The following SLC20A2 variants were observed in gnomAD, a reference collection of about 807,000 sequenced individuals.
SLC20A2 encodes the protein sodium-dependent phosphate transporter 2.
SLC20A2 carries 30 observed loss-of-function variants against 61.0 expected under a neutral mutation model. The ratio of observed to expected loss-of-function variants is 0.49; its 90% confidence interval spans 0.37 to 0.67. The LOEUF (loss-of-function observed/expected upper bound fraction) is 0.67. Ranked by LOEUF, SLC20A2 falls within the 30% of genes least tolerant of loss-of-function variation. SLC20A2 has a pLI of 0.00. For synonymous variants in SLC20A2, 351 were observed against 353.3 expected, an observed-to-expected ratio of 0.99 and a Z score of 0.07; for missense variants, 626 against 866.4, an observed-to-expected ratio of 0.72 and a Z score of 3.48.
At chr8:42,455,365 T>C (rs1033009714) in intron 5 of SLC20A2, among the ~76,000 whole-genome samples, 11 of 140,658 alleles carry the variant, frequency 7.8e-5, no homozygotes, top group African/African-American at 2.9e-4. Context: ...AGAGAAATAA[T>C]TTGTTAAGGT....
At chr8:42,452,358 A>C (rs1805797935) in intron 5 of SLC20A2, among the ~76,000 whole-genome samples, 1 of 137,226 alleles carries the variant, frequency 7.3e-6, no homozygotes, top group Non-Finnish European at 1.5e-5. Context: ...ATGGAGGAAG[A>C]GGAGGAAGAG....
rs140978915 is a variant in SLC20A2 at position 42,444,697 on chromosome 8, C to T, written c.679G>A (p.Ala227Thr). 3.5e-5 allele frequency: 56 copies of T among 1,613,740 alleles called. No homozygotes were observed. The highest frequency in any genetic ancestry group is 1.6e-4 in the Middle Eastern group (1 of 6,084). Residue 227 changes from alanine to threonine, a missense_variant, in exon 6 of 11, where the codon GCT (alanine) becomes ACT (threonine). By Grantham distance (58) the Ala-to-Thr change is moderately conservative. This residue lies in a region of SLC20A2 where 361 missense variants were observed against 422.3 expected (regional missense o/e 0.85). Coordinates refer to ENST00000520262, the MANE Select transcript of SLC20A2 (RefSeq NM_001257180.2). The stretch of plus-strand genomic sequence containing the variant: ...CACACGAAGAGCCACACAAAAAAAG[C>T]GAACAGGAGGGCGACACCAAAGGAA... Reference protein sequence around the residue: ...LISFGVALLFAFFVWLFVCPW... With the variant: ...LISFGVALLFTFFVWLFVCPW...
intron 1 of SLC20A2, among the ~76,000 whole-genome samples, chr8:42,533,049 A>G (rs1354795692): frequency 6.6e-6 from 1 of 152,244 alleles, no homozygotes; most frequent in Admixed American, 6.5e-5. Context: ...GAAGGAAGCT[A>G]AAAGAATGAT....
chr8:42,439,678 A>ACTCTCTTC, intron 6 of SLC20A2, 25 bp from the exon 7 acceptor site: 1 of 1,502,418 alleles, frequency 6.7e-7, no homozygotes, highest in Non-Finnish European at 9.3e-7. Context: ...GTCATACTGA[A>ACTCTCTTC]CATTCTGGAA....
rs369952980 is a variant in SLC20A2 at position 42,436,994 on chromosome 8, G to A, written c.1518C>T (p.Asp506=). 6.9e-6 allele frequency: 11 copies of A among 1,598,430 alleles called. No homozygotes were observed. Among genetic ancestry groups the A allele is most frequent in the Admixed American group, 3.4e-5 (2 of 59,060 alleles). ...CFGSFAHGGN[D]VSNAIGPLVA... is the part of the protein sequence containing the mutation. The stretch of plus-strand genomic sequence containing the variant: ...GAATGAATGAAAGCACCCACCTCAC[G>A]TCATTGCCGCCGTGAGCAAAGGACC... Residue 506 remains aspartate, a synonymous_variant, in exon 8 of 11, where the codon GAC becomes GAT. Transcript: ENST00000520262.
intron 1 of SLC20A2, among the ~76,000 whole-genome samples, chr8:42,499,569 TC>T (rs1370274468): frequency 6.6e-6 from 1 of 152,178 alleles, no homozygotes; most frequent in Non-Finnish European, 1.5e-5. Context: ...AATCAGCTTT[TC>T]TCTTTTGCAG....
chr8:42,487,264 G>A (rs1316991623), intron 1 of SLC20A2, among the ~76,000 whole-genome samples: 2 of 146,056 alleles, frequency 1.4e-5, no homozygotes, highest in Non-Finnish European at 3.0e-5. Context: ...TGCAAGCTCT[G>A]CCTCCCGGGT....
At chr8:42,456,861 G>A (rs1285435837) in intron 5 of SLC20A2, among the ~76,000 whole-genome samples, 1 of 152,094 alleles carries the variant, frequency 6.6e-6, no homozygotes, top group African/African-American at 2.4e-5. Context: ...CATGCTAGGT[G>A]GTGCGCTTAA....
chr8:42,505,842 G>C (rs1188105301), upstream of SLC20A2, among the ~76,000 whole-genome samples: 1 of 150,834 alleles, frequency 6.6e-6, no homozygotes, highest in Non-Finnish European at 1.5e-5. Flanking sequence ...AGTGAGCTGA[G>C]ATCACGCCAC....
chr8:42,515,205 A>C (rs1811258869), intron 1 of SLC20A2, among the ~76,000 whole-genome samples: 1 of 152,190 alleles, frequency 6.6e-6, no homozygotes, highest in Admixed American at 6.5e-5. Flanking sequence ...ATTGAATCCC[A>C]GACAGTTTTG....
chr8:42,451,537 AAG>A lies in SLC20A2; in HGVS notation c.614-6777_614-6776del, dbSNP rs374362306. On this transcript the variant is annotated intron_variant, in intron 5 of 10. Transcript: ENST00000520262. ...GAGGAGGAGGAGAAGGAAGAGATGA[AAG>A]AGGAGGAAAAGATGGAGGAGGAAGA... 1.2e-3 allele frequency among the ~76,000 whole-genome samples: 170 copies of A among 141,738 alleles called. 1 individual carries two copies. Among genetic ancestry groups the A allele is most frequent in the African/African-American group, 4.4e-3 (165 of 37,928 alleles). The allele number at this position is 141,738 out of a possible 152,430, so 93.0% of individuals were successfully genotyped here. A position where few individuals can be genotyped will look rare whatever the true frequency, so the allele number is the denominator to read the frequency against.
rs1455210640 is a variant in SLC20A2, at chr8:42,437,555, A to T, written c.957T>A (p.His319Gln). The T allele has an allele frequency of 6.2e-7, 1 of 1,612,638 alleles. No homozygotes were observed. Among genetic ancestry groups the T allele is most frequent in the Non-Finnish European group, 8.5e-7 (1 of 1,179,764 alleles). Residue 319 changes from histidine (H) to glutamine (Q), a missense_variant, in exon 8 of 11, where the codon CAT becomes CAA. Physicochemically the swap from His to Gln is conservative, Grantham distance 24. Around this residue, in one of 3 missense-constraint regions of SLC20A2, gnomAD observed 361 missense variants for 422.3 expected, o/e 0.85. Transcript: ENST00000520262. The surrounding 1 kb of genome is among the most constrained non-coding windows in gnomAD (Gnocchi z 6.4). The stretch of plus-strand genomic sequence containing the variant: ...TGGAGATGGGCGATTTCACAGAGCC[A>T]TGGGTCATGGACAGTGCTCTTCCTG... ...AAYGRALSMTHGSVKSPISNG... is the reference protein window; with the variant it reads ...AAYGRALSMTQGSVKSPISNG...
At chr8:42,455,257 T>TATATATATATAG (rs1357416749) in intron 5 of SLC20A2, among the ~76,000 whole-genome samples, 1 of 81,622 alleles carries the variant, frequency 1.2e-5, no homozygotes, top group African/African-American at 4.4e-5. Context: ...TATATATATA[T>TATATATATATAG]AGAGAGAGAG....
At chr8:42,425,606 A>G (rs1331436313) in intron 10 of SLC20A2, among the ~76,000 whole-genome samples, 1 of 152,212 alleles carries the variant, frequency 6.6e-6, no homozygotes, top group Non-Finnish European at 1.5e-5. Context: ...GTCCACGATC[A>G]ATGATATCGG....
At chr8:42,485,817 A>G (rs1018049211) in intron 1 of SLC20A2, among the ~76,000 whole-genome samples, 1 of 145,518 alleles carries the variant, frequency 6.9e-6, no homozygotes, top group African/African-American at 2.6e-5. Flanking sequence ...ATGGTGGCGC[A>G]TGCCTGTAAT....
intron 5 of SLC20A2, among the ~76,000 whole-genome samples, chr8:42,456,714 A>T (rs1337022463): frequency 6.8e-6 from 1 of 146,334 alleles, no homozygotes; most frequent in African/African-American, 2.5e-5. Flanking sequence ...CCCGGGAGAC[A>T]GTACGAGACT....
At chr8:42,462,431 C>A (rs1806784845) in intron 4 of SLC20A2, among the ~76,000 whole-genome samples, 1 of 152,170 alleles carries the variant, frequency 6.6e-6, no homozygotes, top group Non-Finnish European at 1.5e-5. Context: ...CTGCAGCAAC[C>A]CTGTGACTGC....
intron 1 of SLC20A2, among the ~76,000 whole-genome samples, chr8:42,489,261 T>C (rs1361987204): frequency 1.3e-5 from 2 of 151,966 alleles, no homozygotes; most frequent in Non-Finnish European, 2.9e-5. Context: ...TATTTTATAA[T>C]TTCTATCTCT....
intron 1 of SLC20A2, among the ~76,000 whole-genome samples, chr8:42,528,077 A>G (rs1193945251): frequency 6.6e-6 from 1 of 152,164 alleles, no homozygotes; most frequent in African/African-American, 2.4e-5. Flanking sequence ...ACTGAACCTC[A>G]TTACTTCTAC....
Sources: allele counts gnomAD v4.1 joint callset (sites outside exome capture counted in the v4.1 genomes callset), GRCh38; gene constraint gnomAD v4.1.1; regional missense constraint gnomAD v4.1.1; non-coding constraint Gnocchi (gnomAD v3.1); transcripts MANE v1.5; gene names NCBI Gene and HGNC (gene_info 2026-07-23, HGNC 2026-07-21).